The following NRCAM variants were observed in gnomAD, a reference collection of about 807,000 sequenced individuals.
NRCAM encodes NgCAM-related cell adhesion molecule.
Under a neutral mutation model 156.5 loss-of-function variants are expected in NRCAM, and 83 were observed. The observed-to-expected ratio is 0.53, with a 90% CI of 0.44 to 0.64. The LOEUF (loss-of-function observed/expected upper bound fraction) is 0.64, where lower values mean the gene tolerates loss of function less well. NRCAM is among the 30% of genes least tolerant of loss of function. The pLI is 0.00. For missense variants in NRCAM, 1,417 were observed against 1,597.3 expected, an observed-to-expected ratio of 0.89 and a Z score of 1.92; for synonymous variants, 538 against 563.9, an observed-to-expected ratio of 0.95 and a Z score of 0.65.
chr7:108,433,085 A>C (rs1031318891), intron 1 of NRCAM, among the ~76,000 whole-genome samples: 1 of 152,148 alleles, frequency 6.6e-6, no homozygotes, highest in Non-Finnish European at 1.5e-5. Flanking sequence ...TCATACTTGG[A>C]GCAAGAGTGC....
intron 8 of NRCAM, 132 bp from the exon 9 acceptor site, chr7:108,226,510 T>A (rs1245181957): frequency 8.0e-6 from 4 of 502,968 alleles, no homozygotes; most frequent in African/African-American, 6.3e-5. Context: ...TATAGCTCTT[T>A]GGGTAAAAGC....
chr7:108,237,836 TAAG>T (rs2095223601), intron 4 of NRCAM, 67 bp from the exon 5 acceptor site: 15 of 1,248,138 alleles, frequency 1.2e-5, no homozygotes, highest in Non-Finnish European at 1.6e-5. Context: ...ATGTTAATAA[TAAG>T]AACGTTAGAA....
At chr7:108,244,992 T>C (rs2095809844) in intron 3 of NRCAM, among the ~76,000 whole-genome samples, 1 of 152,238 alleles carries the variant, frequency 6.6e-6, no homozygotes, top group Non-Finnish European at 1.5e-5. Flanking sequence ...CCAGTCCTAA[T>C]GGCTACCATT....
intron 3 of NRCAM, among the ~76,000 whole-genome samples, chr7:108,287,564 C>A (rs1374447194): frequency 2.0e-5 from 3 of 151,984 alleles, no homozygotes; most frequent in Non-Finnish European, 4.4e-5. Flanking sequence ...AAGTGGCCAA[C>A]AAACATACAA....
chr7:108,300,426 T>C (rs2098579406), intron 3 of NRCAM, among the ~76,000 whole-genome samples: 1 of 152,106 alleles, frequency 6.6e-6, no homozygotes, highest in Admixed American at 6.6e-5. Context: ...TAAACATCTA[T>C]TTTCTAAAAA....
chr7:108,396,104 C>T (rs1051837558), intron 2 of NRCAM, among the ~76,000 whole-genome samples: 3 of 152,108 alleles, frequency 2.0e-5, no homozygotes, highest in African/African-American at 7.2e-5. Context: ...AAGGGTCTCA[C>T]GTTTTAGAGA....
rs145223217 is a variant in NRCAM, at chr7:108,420,372, T to C, written c.-331-20779A>G. Among the ~76,000 whole-genome samples the C allele has an allele frequency of 6.6e-3, 1,005 of 152,284 alleles. 11 individuals are homozygous for C. The highest frequency in any genetic ancestry group is 0.011 in the Non-Finnish European group (715 of 68,012). Reference sequence around the variant, plus strand: ...TATCCCCAAACAGTGAGCACTACTTTGCTAAAAAAAGTCTGTGTGTTCTGA... The same window carrying C: ...TATCCCCAAACAGTGAGCACTACTTCGCTAAAAAAAGTCTGTGTGTTCTGA... On this transcript the variant is annotated intron_variant, in intron 1 of 32. Transcript: ENST00000379028.
intron 2 of NRCAM, among the ~76,000 whole-genome samples, chr7:108,322,797 AACTAT>A (rs1210015282): frequency 1.3e-5 from 2 of 152,208 alleles, no homozygotes; most frequent in African/African-American, 4.8e-5. Context: ...GCAGGTTGCT[AACTAT>A]AGTTAAGTTC....
chr7:108,422,840 C>T (rs6948610), intron 1 of NRCAM, among the ~76,000 whole-genome samples: 145,130 of 152,222 alleles, frequency 0.95, 69,239 homozygotes, highest in East Asian at 1. Flanking sequence ...AATTCAGCCA[C>T]GTTCTGTAGT....
In NRCAM at chr7:108,213,147, G is replaced by C. The variant is rs2085649935; in HGVS notation, c.891-3542C>G. Among the ~76,000 whole-genome samples, 3 of 152,220 alleles carry C rather than the reference G, an allele frequency of 2.0e-5. 1 individual carries two copies. The South Asian group carries it at 6.2e-4, about 32-fold the overall frequency. On this transcript the variant is annotated intron_variant, in intron 11 of 32. Transcript: ENST00000379028. ...AGAATTTTGTATCCAGCGAAACTAAGCATCATATTTGAAGGAAAGATACAG... is the reference window on the plus strand; with the variant it reads ...AGAATTTTGTATCCAGCGAAACTAACCATCATATTTGAAGGAAAGATACAG...
chr7:108,246,569 G>A (rs2095940491), intron 3 of NRCAM, among the ~76,000 whole-genome samples: 1 of 152,024 alleles, frequency 6.6e-6, no homozygotes, highest in Non-Finnish European at 1.5e-5. Context: ...GGCAGCAGAG[G>A]ATCAATAGAA....
intron 2 of NRCAM, among the ~76,000 whole-genome samples, chr7:108,362,438 G>A (rs1437973840): frequency 6.6e-6 from 1 of 152,126 alleles, no homozygotes; most frequent in Non-Finnish European, 1.5e-5. Flanking sequence ...CCAAATTGCT[G>A]TATATCCATA....
chr7:108,251,150 T>C (rs994847945), intron 3 of NRCAM, among the ~76,000 whole-genome samples: 2 of 152,100 alleles, frequency 1.3e-5, no homozygotes, highest in Admixed American at 1.3e-4. Flanking sequence ...TGAGCATTTA[T>C]TTTCTAAAGA....
At chr7:108,434,379 T>C (rs533480447) in intron 1 of NRCAM, among the ~76,000 whole-genome samples, 1 of 152,290 alleles carries the variant, frequency 6.6e-6, no homozygotes, top group African/African-American at 2.4e-5. Flanking sequence ...AACAAAAAAC[T>C]AGTGGATCAA....
chr7:108,184,124 A>AT lies in NRCAM; in HGVS notation c.2304+116dup, dbSNP rs1435247291. ...TATATATGTATCTTTATATATATAT[A>AT]TATATTTTTTTTCCCCAGAAATAGG... On this transcript the variant is annotated intron_variant, in intron 22 of 32. Transcript: ENST00000379028. 15 of 557,358 alleles carry AT rather than the reference A, an allele frequency of 2.7e-5. No homozygotes were observed. The African/African-American group carries it at 3.6e-4, about 13-fold the overall frequency. The allele number at this position is 557,358 out of a possible 1,614,324, so 34.5% of individuals were successfully genotyped here.
At chr7:108,157,428 A>T (rs575608593) in intron 32 of NRCAM, among the ~76,000 whole-genome samples, 1 of 152,276 alleles carries the variant, frequency 6.6e-6, no homozygotes, top group South Asian at 2.1e-4. Flanking sequence ...CCAGACACAA[A>T]ATTCTATTAA....
intron 2 of NRCAM, among the ~76,000 whole-genome samples, chr7:108,364,572 T>G (rs920364760): frequency 6.6e-6 from 1 of 152,182 alleles, no homozygotes; most frequent in Non-Finnish European, 1.5e-5. Context: ...CATAGTAGTA[T>G]TATTTATCAT....
intron 3 of NRCAM, among the ~76,000 whole-genome samples, chr7:108,303,924 A>T (rs2154160168): frequency 6.6e-6 from 1 of 152,290 alleles, no homozygotes; most frequent in East Asian, 1.9e-4. Context: ...TACTAATTAC[A>T]CCACATTGCA....
chr7:108,215,730 CCTTT>C (rs1300192993), intron 11 of NRCAM, among the ~76,000 whole-genome samples: 3 of 69,704 alleles, frequency 4.3e-5, no homozygotes, highest in Admixed American at 1.9e-4. Flanking sequence ...GCAACCCCTG[CCTTT>C]TTTTTTTTTT....
Sources: allele counts gnomAD v4.1 joint callset (sites outside exome capture counted in the v4.1 genomes callset), GRCh38; gene constraint gnomAD v4.1.1; transcripts MANE v1.5; gene names NCBI Gene and HGNC (gene_info 2026-07-23, HGNC 2026-07-21).